The following TMEM178B variants were observed in gnomAD, a reference collection of about 807,000 sequenced individuals.
TMEM178B encodes the protein transmembrane protein 178B.
In TMEM178B, 5 loss-of-function variants were observed where a neutral mutation model predicts 31.0. The observed-to-expected ratio is 0.16, with a 90% confidence interval of 0.08 to 0.34. The LOEUF is 0.34. TMEM178B is among the 10% of genes least tolerant of loss of function. The pLI is 1.00. For missense variants in TMEM178B, 275 were observed against 400.3 expected (o/e 0.69, Z 2.67); for synonymous variants, 164 against 164.0 (o/e 1.00, Z 0.00).
In TMEM178B at chr7:141,476,267, T is replaced by TTTTC. The variant is rs1388477057; in HGVS notation, c.*5485_*5488dup. The TTTTC allele has an allele frequency of 5.9e-5, 9 of 152,286 alleles. No individual in the cohort carries two copies. In the East Asian group the frequency reaches 1.7e-3, roughly 29 times the overall value. The allele number at this position is 152,286 out of a possible 1,614,324, so 9.4% of individuals were successfully genotyped here. ...TCCCCCAGAGAAATTGGCTCCTTAT[T>TTTTC]TTTCTTTACCTATTCCTAGACTTCC... On this transcript the variant is annotated 3_prime_UTR_variant, in exon 4 of 4. Coordinates refer to ENST00000565468, the MANE Select transcript of TMEM178B (RefSeq NM_001195278.2).
intron 2 of TMEM178B, among the ~76,000 whole-genome samples, chr7:141,421,870 C>A (rs1002115391): frequency 6.6e-6 from 1 of 151,882 alleles, no homozygotes; most frequent in Admixed American, 6.5e-5. Flanking sequence ...ACCTTTTAAG[C>A]CCATCCTTTC....
chr7:141,496,937 C>T, the TMEM178B span, among the ~76,000 whole-genome samples: 3 of 152,062 alleles, frequency 2.0e-5, no homozygotes, highest in African/African-American at 7.2e-5. Context: ...CAGACTCCCA[C>T]AGAGATTTGG....
intron 1 of TMEM178B, among the ~76,000 whole-genome samples, chr7:141,147,995 G>A (rs1795882794): frequency 2.6e-5 from 4 of 152,180 alleles, no homozygotes; most frequent in Admixed American, 2.6e-4. Context: ...GCTTAAAACA[G>A]CACAAATTTA....
intron 1 of TMEM178B, among the ~76,000 whole-genome samples, chr7:141,139,517 A>AT (rs1218841667): frequency 6.6e-6 from 1 of 151,932 alleles, no homozygotes; most frequent in Non-Finnish European, 1.5e-5. Flanking sequence ...TGCCTGCCTA[A>AT]TTTTTTGTAG....
At chr7:141,379,674 C>T (rs1800280611) in intron 2 of TMEM178B, among the ~76,000 whole-genome samples, 1 of 152,186 alleles carries the variant, frequency 6.6e-6, no homozygotes, top group Admixed American at 6.5e-5. Context: ...CATGAGAATC[C>T]TTTCATGATA....
chr7:141,096,954 G>A (rs774671322), intron 1 of TMEM178B, among the ~76,000 whole-genome samples: 55 of 152,124 alleles, frequency 3.6e-4, no homozygotes, highest in Non-Finnish European at 1.8e-4. Flanking sequence ...ACTGGGCATG[G>A]TGGCACGTGC....
intron 1 of TMEM178B, among the ~76,000 whole-genome samples, chr7:141,184,826 C>T (rs1006342301): frequency 3.3e-5 from 5 of 152,164 alleles, no homozygotes; most frequent in South Asian, 4.2e-4. Flanking sequence ...TTTTCCTGGC[C>T]GACTCATTGA....
At chr7:141,267,982 C>T (rs1798120318) in intron 2 of TMEM178B, among the ~76,000 whole-genome samples, 1 of 152,196 alleles carries the variant, frequency 6.6e-6, no homozygotes, top group Non-Finnish European at 1.5e-5. Context: ...CTGATTCCAG[C>T]CCATTTGTGG....
chr7:141,225,147 G>A (rs893333575), intron 2 of TMEM178B, among the ~76,000 whole-genome samples: 2 of 152,128 alleles, frequency 1.3e-5, no homozygotes, highest in Non-Finnish European at 2.9e-5. Context: ...GAAGAGGCAG[G>A]ACTAGAATCC....
chr7:141,304,357 T>G (rs1798778106), intron 2 of TMEM178B, among the ~76,000 whole-genome samples: 1 of 152,068 alleles, frequency 6.6e-6, no homozygotes, highest in Admixed American at 6.6e-5. Flanking sequence ...CTGAATGGGT[T>G]CTATGCTGTT....
At chr7:141,385,425 C>T (rs1286470026) in intron 2 of TMEM178B, among the ~76,000 whole-genome samples, 1 of 152,186 alleles carries the variant, frequency 6.6e-6, no homozygotes, top group Non-Finnish European at 1.5e-5. Flanking sequence ...GGATAGTCCA[C>T]ACAACCCAGA....
At chr7:141,262,152 G>T (rs1798023446) in intron 2 of TMEM178B, among the ~76,000 whole-genome samples, 1 of 152,116 alleles carries the variant, frequency 6.6e-6, no homozygotes, top group Non-Finnish European at 1.5e-5. Context: ...TTCACACCAG[G>T]AACCCTGGGC....
chr7:141,276,615 A>G (rs1213050841), intron 2 of TMEM178B, among the ~76,000 whole-genome samples: 5 of 150,306 alleles, frequency 3.3e-5, no homozygotes, highest in Admixed American at 2.6e-4. Flanking sequence ...CCATGCTTCA[A>G]TTACCTCCCA....
intron 1 of TMEM178B, among the ~76,000 whole-genome samples, chr7:141,115,339 C>A (rs1795302287): frequency 6.6e-6 from 1 of 151,980 alleles, no homozygotes; most frequent in African/African-American, 2.4e-5. Context: ...CCATGCCTGG[C>A]TGGATCCATG....
intron 2 of TMEM178B, among the ~76,000 whole-genome samples, chr7:141,257,996 C>G (rs1452093778): frequency 6.6e-6 from 1 of 151,436 alleles, no homozygotes; most frequent in Admixed American, 6.6e-5. Context: ...AAAATTTTCC[C>G]TGTATTTTAT....
At chr7:141,324,991 A>G (rs1026833715) in intron 2 of TMEM178B, among the ~76,000 whole-genome samples, 3 of 152,124 alleles carry the variant, frequency 2.0e-5, no homozygotes, top group Middle Eastern at 3.2e-3. Context: ...TTAGGACTCC[A>G]GGTGGAGAGT....
intron 2 of TMEM178B, among the ~76,000 whole-genome samples, chr7:141,396,968 C>A (rs138046855): frequency 0.017 from 2,657 of 152,276 alleles, 35 homozygotes; most frequent in Non-Finnish European, 0.026. Context: ...GCCAACAGGA[C>A]AAAATGTCAT....
intron 1 of TMEM178B, among the ~76,000 whole-genome samples, chr7:141,207,552 A>G (rs1396138132): frequency 6.6e-6 from 1 of 152,202 alleles, no homozygotes; most frequent in Non-Finnish European, 1.5e-5. Context: ...GATGTTGGGC[A>G]TCTTTTCCTG....
At chr7:141,500,873 C>T in the TMEM178B span, among the ~76,000 whole-genome samples, 1 of 152,130 alleles carries the variant, frequency 6.6e-6, no homozygotes, top group Non-Finnish European at 1.5e-5. Context: ...TGTGAAAGGA[C>T]CTCAGGCTTG....
Sources: allele counts gnomAD v4.1 joint callset (sites outside exome capture counted in the v4.1 genomes callset), GRCh38; gene constraint gnomAD v4.1.1; transcripts MANE v1.5; gene names NCBI Gene and HGNC (gene_info 2026-07-23, HGNC 2026-07-21).